CDH4: variants seen among roughly 807,000 people sequenced by gnomAD.
CDH4 encodes cadherin 4.
CDH4 carries 33 observed loss-of-function variants against 86.0 expected under a neutral mutation model. That is an observed-to-expected ratio of 0.38 (90% CI 0.29 to 0.51). The LOEUF is 0.51. Ranked by LOEUF, CDH4 falls within the 20% of genes least tolerant of loss-of-function variation. The pLI, the probability that CDH4 is intolerant of heterozygous loss-of-function variation, is 0.86. For missense variants in CDH4, 1,114 were observed against 1,307.4 expected (o/e 0.85, Z 2.28); for synonymous variants, 555 against 549.4 (o/e 1.01, Z -0.14).
intron 2 of CDH4, chr20:61,718,756 C>T (rs1310166250): frequency 2.2e-6 from 1 of 463,356 alleles, no homozygotes; most frequent in East Asian, 7.0e-5. Flanking sequence ...GGCTAACAGG[C>T]CACCCTACAC....
intron 2 of CDH4, among the ~76,000 whole-genome samples, chr20:61,622,184 C>T (rs977257827): frequency 2.0e-5 from 3 of 152,252 alleles, no homozygotes; most frequent in African/African-American, 7.2e-5. Flanking sequence ...AACTGCGAAA[C>T]GCAGACTGCT....
At chr20:61,570,693 C>T (rs773301299) in intron 2 of CDH4, 18 of 702,226 alleles carry the variant, frequency 2.6e-5, no homozygotes, top group South Asian at 1.5e-4. Context: ...CAGAGGAAAG[C>T]GATGCCAAAG....
At chr20:61,471,835 A>G (rs1389327375) in intron 2 of CDH4, among the ~76,000 whole-genome samples, 1 of 151,880 alleles carries the variant, frequency 6.6e-6, no homozygotes, top group Non-Finnish European at 1.5e-5. Flanking sequence ...TTCCTCTTTT[A>G]TTGATTTCTA....
chr20:61,293,206 C>T (rs542137078), intron 2 of CDH4, among the ~76,000 whole-genome samples: 14 of 152,256 alleles, frequency 9.2e-5, no homozygotes, highest in Admixed American at 2.0e-4. Context: ...ACTTGGCCTG[C>T]GGGTTCTAGC....
chr20:61,707,351 C>T (rs751716847), intron 2 of CDH4, among the ~76,000 whole-genome samples: 10 of 152,234 alleles, frequency 6.6e-5, no homozygotes, highest in Non-Finnish European at 1.2e-4. Context: ...GTGCTTTGCG[C>T]GGCTTGGACA....
In CDH4 at chr20:61,491,103, A is replaced by G. The variant is rs141373193; in HGVS notation, c.169+236166A>G. On this transcript the variant is annotated intron_variant, in intron 2 of 15. Transcript: ENST00000614565. Reference sequence around the variant, plus strand: ...TCCATTGCAATACAACATTTGGCATATGGTATAGCCAACACCATGTTATAT... The same window carrying G: ...TCCATTGCAATACAACATTTGGCATGTGGTATAGCCAACACCATGTTATAT... Among the ~76,000 whole-genome samples, 295 of 152,378 alleles carry G rather than the reference A, an allele frequency of 1.9e-3. 1 individual carries two copies. Among genetic ancestry groups the G allele is most frequent in the African/African-American group, 6.8e-3 (283 of 41,604 alleles).
At chr20:61,692,459 T>G (rs1025427064) in intron 2 of CDH4, among the ~76,000 whole-genome samples, 1 of 152,216 alleles carries the variant, frequency 6.6e-6, no homozygotes, top group African/African-American at 2.4e-5. Context: ...TTGAAATAGA[T>G]AGACTGACAT....
At chr20:61,767,406 G>A (rs1249204504) in intron 3 of CDH4, among the ~76,000 whole-genome samples, 1 of 152,204 alleles carries the variant, frequency 6.6e-6, no homozygotes, top group Non-Finnish European at 1.5e-5. Flanking sequence ...CGGGGCAGTA[G>A]CAGGTCCGGG....
chr20:61,727,271 TCATCATCATCAACACTGGAGC>T (rs1453271045), intron 2 of CDH4, among the ~76,000 whole-genome samples: 1 of 149,410 alleles, frequency 6.7e-6, no homozygotes, highest in African/African-American at 2.5e-5. Context: ...ACCATCAGAG[TCATCATCATCAACACTGGAGC>T]CATCATCACC....
rs189092784 is a variant in CDH4 at position 61,269,553 on chromosome 20, A to C, written c.169+14616A>C. On this transcript the variant is annotated intron_variant, in intron 2 of 15. Transcript: ENST00000614565. This position sits in a 1 kb window ranked among gnomAD's most constrained non-coding sequence, Gnocchi z 5.3. The stretch of plus-strand genomic sequence containing the variant: ...TGTGTATGGAGGCACCAGGCTCTGG[A>C]AACACCAAGGCTTGCTGGCTTGCTC... Among the ~76,000 whole-genome samples the C allele has an allele frequency of 1.9e-3, 292 of 152,256 alleles. 2 individuals carry two copies. Among genetic ancestry groups the C allele is most frequent in the African/African-American group, 6.9e-3 (285 of 41,522 alleles).
At chr20:61,740,001 G>A (rs1203813155) in intron 2 of CDH4, among the ~76,000 whole-genome samples, 1 of 152,198 alleles carries the variant, frequency 6.6e-6, no homozygotes, top group Admixed American at 6.5e-5. Flanking sequence ...CACATACATG[G>A]GCACTTTTCT....
intron 2 of CDH4, among the ~76,000 whole-genome samples, chr20:61,258,374 T>G (rs1358832739): frequency 1.4e-5 from 2 of 147,982 alleles, no homozygotes; most frequent in Non-Finnish European, 3.0e-5. Context: ...AGGAGCATGT[T>G]TCTAATGACT....
intron 2 of CDH4, among the ~76,000 whole-genome samples, chr20:61,610,197 C>T (rs550544450): frequency 7.2e-5 from 11 of 152,342 alleles, no homozygotes; most frequent in Admixed American, 1.3e-4. Context: ...ATTCTACCCT[C>T]TACCTCCATG....
chr20:61,304,875 C>T (rs527530378), intron 2 of CDH4, among the ~76,000 whole-genome samples: 9 of 145,530 alleles, frequency 6.2e-5, no homozygotes, highest in East Asian at 5.9e-4. Context: ...TGTGTGTGTT[C>T]GGTGCGTGTG....
intron 2 of CDH4, among the ~76,000 whole-genome samples, chr20:61,614,396 T>C (rs1276856377): frequency 1.3e-5 from 2 of 152,084 alleles, no homozygotes; most frequent in Non-Finnish European, 2.9e-5. Flanking sequence ...CTCCCACACC[T>C]TTGCCCTCTC....
chr20:61,560,506 T>C (rs1477901406), intron 2 of CDH4, among the ~76,000 whole-genome samples: 1 of 152,292 alleles, frequency 6.6e-6, no homozygotes, highest in South Asian at 2.1e-4. Flanking sequence ...AAAGCCACGT[T>C]TTTAGGAGCC....
At chr20:61,773,987 A>G (rs571506349) in intron 4 of CDH4, among the ~76,000 whole-genome samples, 62 of 152,282 alleles carry the variant, frequency 4.1e-4, no homozygotes, top group African/African-American at 1.2e-3. Flanking sequence ...GGTCCCCCCA[A>G]TTTTTTGTAT....
intron 2 of CDH4, among the ~76,000 whole-genome samples, chr20:61,279,841 G>C (rs560471472): frequency 6.6e-6 from 1 of 152,310 alleles, no homozygotes; most frequent in South Asian, 2.1e-4. Flanking sequence ...GGGCTGTTGT[G>C]AGTAACGGGG....
chr20:61,362,445 G>T (rs1194820501), intron 2 of CDH4, among the ~76,000 whole-genome samples: 2 of 150,314 alleles, frequency 1.3e-5, no homozygotes, highest in African/African-American at 2.5e-5. Flanking sequence ...GTAGTGGAGA[G>T]TGGAGACGTG....
Sources: gnomAD v4.1 joint callset for allele counts (sites outside exome capture counted in the v4.1 genomes callset) on GRCh38, gnomAD v4.1.1 for gene constraint, Gnocchi (gnomAD v3.1) non-coding constraint, MANE v1.5 for transcripts, NCBI Gene and HGNC (gene_info 2026-07-23, HGNC 2026-07-21) for gene names.